The following TLE1 variants were observed in gnomAD, a reference collection of about 807,000 sequenced individuals.
TLE1 encodes the protein transducin-like enhancer protein 1.
A neutral mutation model predicts 89.8 loss-of-function variants in TLE1; 21 were observed. The ratio of observed to expected loss-of-function variants is 0.23; its 90% CI spans 0.17 to 0.34. The LOEUF is 0.34. Among genes scored for constraint, TLE1 ranks in the 10% least tolerant of loss-of-function variants. The pLI is 1.00. For missense variants in TLE1, 795 were observed against 1,031.2 expected, an observed-to-expected ratio of 0.77 and a Z score of 3.14; for synonymous variants, 447 against 407.6, an observed-to-expected ratio of 1.10 and a Z score of -1.16.
chr9:81,688,310 C>G lies in TLE1; in HGVS notation c.-70G>C. 3.5e-6 allele frequency: 5 copies of G among 1,446,104 alleles called. No individual in the cohort carries two copies. Among genetic ancestry groups the G allele is most frequent in the Non-Finnish European group, 4.6e-6 (5 of 1,096,588 alleles). 89.6% of individuals were successfully genotyped at this position (1,446,104 alleles called of 1,614,324 possible). A position where few individuals can be genotyped will look rare whatever the true frequency, so the allele number is the denominator to read the frequency against. On this transcript the variant is annotated 5_prime_UTR_variant, in exon 1 of 20. Coordinates refer to ENST00000376499, the MANE Select transcript of TLE1 (RefSeq NM_005077.5). Reference sequence around the variant, plus strand: ...TCCGGTCAATTTCCAACTTTAATCCCGCCGAGGAAAATTAAGCCGGAAAGC... The same window carrying G: ...TCCGGTCAATTTCCAACTTTAATCCGGCCGAGGAAAATTAAGCCGGAAAGC...
intron 13 of TLE1, among the ~76,000 whole-genome samples, chr9:81,610,524 T>C (rs1823561277): frequency 6.6e-6 from 1 of 152,174 alleles, no homozygotes; most frequent in Non-Finnish European, 1.5e-5. Context: ...TGTGATCTAT[T>C]TGTGCACTGA....
intron 19 of TLE1, 45 bp downstream of exon 19, chr9:81,584,403 A>C (rs372056637): frequency 1.2e-6 from 2 of 1,612,250 alleles, no homozygotes; most frequent in African/African-American, 2.7e-5. Context: ...TTCAGAGGCG[A>C]CACTGTGGTC....
At position 81,687,384 on chromosome 9, in the gene TLE1, G is replaced by T; in HGVS notation, c.75C>A (p.Ser25=). 1 of 1,611,212 alleles carries T rather than the reference G, an allele frequency of 6.2e-7. No homozygotes were observed. The highest frequency in any genetic ancestry group is 1.7e-5 in the Admixed American group (1 of 59,776). ...GQPFKFTIPE[S]LDRIKEEFQF... ...GGAATTCCTCTTTAATCCGGTCCAG[G>T]GACTCCGGGATAGTGAACTTGAAGG... is the stretch of plus-strand genomic sequence containing the variant. Residue 25 remains serine (S), a synonymous_variant, in exon 2 of 20, where the codon TCC becomes TCA. Coordinates refer to ENST00000376499, the MANE Select transcript of TLE1 (RefSeq NM_005077.5).
chr9:81,642,421 A>G (rs1326956290), intron 6 of TLE1, among the ~76,000 whole-genome samples: 2 of 152,104 alleles, frequency 1.3e-5, no homozygotes, highest in Non-Finnish European at 2.9e-5. Flanking sequence ...GTCCGGGCAC[A>G]GTGGCTCATG....
At chr9:81,602,154 G>A (rs1005154675) in intron 14 of TLE1, among the ~76,000 whole-genome samples, 1 of 152,188 alleles carries the variant, frequency 6.6e-6, no homozygotes, top group Non-Finnish European at 1.5e-5. Flanking sequence ...AGACCAGTGA[G>A]AAGGGAAGCT....
chr9:81,685,611 A>G lies in TLE1; in HGVS notation c.234+65T>C, dbSNP rs1834164900. 3 of 1,552,362 alleles carry G rather than the reference A, an allele frequency of 1.9e-6. No individual in the cohort carries two copies. The East Asian group carries it at 6.7e-5, about 35-fold the overall frequency. ...CCCTAGAGCCCACTACTGAGAACAA[A>G]GCCAGTATTATTAAATCATATGAAC... On this transcript the variant is annotated intron_variant, in intron 4 of 19. Transcript: ENST00000376499.
chr9:81,587,900 T>G (rs1364574599), intron 16 of TLE1, 72 bp from the exon 17 acceptor site: 1 of 789,400 alleles, frequency 1.3e-6, no homozygotes, highest in Admixed American at 2.7e-5. Flanking sequence ...TGTTGTTAGT[T>G]TTGGACCGTG....
intron 4 of TLE1, among the ~76,000 whole-genome samples, chr9:81,667,402 A>AAAT (rs1435303694): frequency 6.6e-6 from 1 of 151,966 alleles, no homozygotes; most frequent in East Asian, 1.9e-4. Context: ...AAAAAAAAAA[A>AAAT]AAAGAAGCAA....
intron 6 of TLE1, among the ~76,000 whole-genome samples, chr9:81,651,849 G>A (rs1436642692): frequency 6.6e-6 from 1 of 151,988 alleles, no homozygotes; most frequent in African/African-American, 2.4e-5. Flanking sequence ...ACGGGCAAGG[G>A]GGTGCCTGCC....
Position 81,620,556 on chromosome 9 carries a change from C to G in TLE1, c.596G>C (p.Ser199Thr). 6.2e-7 allele frequency: 1 copy of G among 1,604,108 alleles called. No individual in the cohort carries two copies. The highest frequency in any genetic ancestry group is 8.5e-7 in the Non-Finnish European group (1 of 1,177,352). ...EHHRDREPGTSNSLLVPDSLR... is the reference protein window; with the variant it reads ...EHHRDREPGTTNSLLVPDSLR... Reference sequence around the variant, plus strand: ...ACTGTCTGGGACCAGGAGGGAATTACTCTGCAAGACAAAAAAATTAATCAA... The same window carrying G: ...ACTGTCTGGGACCAGGAGGGAATTAGTCTGCAAGACAAAAAAATTAATCAA... Residue 199 changes from serine (S) to threonine (T), a missense_variant and splice_region_variant, in exon 9 of 20, where the codon AGT (serine) becomes ACT (threonine). By Grantham distance (58) the Ser-to-Thr change is moderately conservative. Around this residue, in one of 4 missense-constraint regions of TLE1, gnomAD observed 468 missense variants for 509.1 expected, o/e 0.92. Coordinates refer to ENST00000376499, the MANE Select transcript of TLE1 (RefSeq NM_005077.5).
chr9:81,668,165 C>T (rs1831734598), intron 4 of TLE1, among the ~76,000 whole-genome samples: 1 of 50,272 alleles, frequency 2.0e-5, no homozygotes, highest in Non-Finnish European at 3.4e-5. Context: ...AAGACTGCAT[C>T]TCGAAAAAAA....
intron 4 of TLE1, among the ~76,000 whole-genome samples, chr9:81,675,719 T>TTTTTTTTTTA: frequency 3.3e-5 from 5 of 150,084 alleles, no homozygotes; most frequent in East Asian, 1.9e-4. Context: ...TTTTTTTTTT[T>TTTTTTTTTTA]GAGACGGAGT....
intron 6 of TLE1, among the ~76,000 whole-genome samples, chr9:81,650,354 A>G (rs752733363): frequency 1.6e-4 from 25 of 152,334 alleles, no homozygotes; most frequent in Non-Finnish European, 2.2e-4. Context: ...TCATGAAATT[A>G]TATGTCGTAA....
At chr9:81,669,524 A>G (rs1831937085) in intron 4 of TLE1, among the ~76,000 whole-genome samples, 1 of 152,216 alleles carries the variant, frequency 6.6e-6, no homozygotes, top group Admixed American at 6.5e-5. Flanking sequence ...AATTTTAACT[A>G]ATACAGAGAA....
chr9:81,679,393 G>C (rs574242772), intron 4 of TLE1, among the ~76,000 whole-genome samples: 2 of 151,562 alleles, frequency 1.3e-5, no homozygotes, highest in African/African-American at 2.4e-5. Context: ...AACAATTTTA[G>C]AAACCATACT....
At chr9:81,631,199 A>C in intron 8 of TLE1, among the ~76,000 whole-genome samples, 1 of 152,352 alleles carries the variant, frequency 6.6e-6, no homozygotes, top group East Asian at 1.9e-4. Flanking sequence ...GAACTGCTTC[A>C]TACTTCTTGA....
chr9:81,595,292 T>C (rs1295696593), intron 14 of TLE1, among the ~76,000 whole-genome samples: 3 of 152,210 alleles, frequency 2.0e-5, no homozygotes, highest in African/African-American at 7.2e-5. Context: ...TATTATGGGA[T>C]ACTTGGAGTC....
intron 10 of TLE1, 96 bp downstream of exon 10, chr9:81,616,550 A>T (rs1587982552): frequency 7.4e-7 from 1 of 1,345,332 alleles, no homozygotes; most frequent in East Asian, 2.3e-5. Context: ...AGGTCCCCCC[A>T]CCGAGGGGCT....
chr9:81,669,367 G>A (rs7018589), intron 4 of TLE1, among the ~76,000 whole-genome samples: 2,392 of 152,278 alleles, frequency 0.016, 66 homozygotes, highest in African/African-American at 0.053. Flanking sequence ...TTTCAAATCC[G>A]TGGCACAAGC....
Sources: gnomAD v4.1 joint callset for allele counts (sites outside exome capture counted in the v4.1 genomes callset) on GRCh38, gnomAD v4.1.1 for gene constraint, gnomAD v4.1.1 regional missense constraint, MANE v1.5 for transcripts, NCBI Gene and HGNC (gene_info 2026-07-23, HGNC 2026-07-21) for gene names.